AHCTF1: variants seen among roughly 807,000 people sequenced by gnomAD.
AHCTF1 encodes AT-hook containing transcription factor 1.
A neutral mutation model predicts 248.4 loss-of-function variants in AHCTF1; 24 were observed. The observed-to-expected ratio is 0.10, with a 90% CI of 0.07 to 0.14. The LOEUF is 0.14. Ranked by LOEUF, AHCTF1 falls within the 10% of genes least tolerant of loss-of-function variation. AHCTF1 has a pLI of 1.00. For missense variants in AHCTF1, 2,206 were observed against 2,636.2 expected, an observed-to-expected ratio of 0.84 and a Z score of 3.57; for synonymous variants, 786 against 929.8, an observed-to-expected ratio of 0.85 and a Z score of 2.81.
chr1:246,856,947 T>C (rs1309601845), intron 30 of AHCTF1, among the ~76,000 whole-genome samples: 1 of 152,234 alleles, frequency 6.6e-6, no homozygotes, highest in Non-Finnish European at 1.5e-5. Flanking sequence ...TTACTACTAC[T>C]TGATAACTGA....
At position 246,867,322 on chromosome 1, in the gene AHCTF1, A is replaced by G. The variant is rs917307059; in HGVS notation, c.3269T>C (p.Val1090Ala). 2 of 1,596,868 alleles carry G rather than the reference A, an allele frequency of 1.3e-6. No homozygotes were observed. Among genetic ancestry groups the G allele is most frequent in the Non-Finnish European group, 1.7e-6 (2 of 1,173,022 alleles). Residue 1090 changes from valine to alanine, a missense_variant, in exon 26 of 36, where the codon GTG (valine) becomes GCG (alanine). Val to Ala is a moderately conservative substitution (Grantham distance 64). This residue lies in a region of AHCTF1 where 955 missense variants were observed against 1,055.6 expected (regional missense o/e 0.90). Coordinates refer to ENST00000648844, the MANE Select transcript of AHCTF1 (RefSeq NM_001323342.2). ...CAGCTCTGGAGCTGGGAGCGAATAC[A>G]CTATAGGAGATGGTTCTTCTATTTT... ...SSKIEEPSPI[V>A]YSLPAPELPE... is the part of the protein sequence containing the mutation.
In AHCTF1 at chr1:246,877,261, T is replaced by C. The variant is rs1663041100; in HGVS notation, c.2702A>G (p.Asn901Ser). The C allele has an allele frequency of 1.2e-6, 2 of 1,606,062 alleles. No individual in the cohort carries two copies. Among genetic ancestry groups the C allele is most frequent in the South Asian group, 2.2e-5 (2 of 88,988 alleles). The change falls in exon 22 of 36, where the codon AAT becomes AGT. Residue 901 changes from asparagine (N) to serine (S), a missense_variant. Asn to Ser is a conservative substitution (Grantham distance 46). Around this residue, in one of 6 missense-constraint regions of AHCTF1, gnomAD observed 955 missense variants for 1,055.6 expected, o/e 0.90. Transcript: ENST00000648844. ...CAGTAACTCCTCTATATTCAACCTA[T>C]TGCAATGTTGCCGCAAAAAATTCCA... ...EAWNFLRQHC[N>S]RLNIEELLKH...
intron 20 of AHCTF1, among the ~76,000 whole-genome samples, chr1:246,886,923 C>G (rs1663857485): frequency 6.6e-6 from 1 of 152,120 alleles, no homozygotes; most frequent in Non-Finnish European, 1.5e-5. Context: ...CATGGTTCCC[C>G]CAACACCCCA....
At chr1:246,872,050 A>AC (rs1405260428) in intron 24 of AHCTF1, among the ~76,000 whole-genome samples, 29 of 108,712 alleles carry the variant, frequency 2.7e-4, no homozygotes, top group Admixed American at 2.1e-3. Flanking sequence ...ACTATTAATG[A>AC]CAAAAAAAAA....
chr1:246,901,762 C>G (rs944256526), intron 8 of AHCTF1, among the ~76,000 whole-genome samples: 2 of 152,154 alleles, frequency 1.3e-5, no homozygotes, highest in South Asian at 4.1e-4. Context: ...AGGCTGCAAC[C>G]AGCCAAGATC....
intron 26 of AHCTF1, chr1:246,865,452 C>T (rs1661904644): frequency 6.6e-6 from 1 of 152,160 alleles, no homozygotes; most frequent in Non-Finnish European, 1.5e-5. Flanking sequence ...TTTAGATTTC[C>T]ACCAAACCAA....
chr1:246,905,224 T>G (rs1612610), intron 6 of AHCTF1, among the ~76,000 whole-genome samples: 92,159 of 152,102 alleles, frequency 0.61, 30,168 homozygotes, highest in African/African-American at 0.87. Flanking sequence ...ATCAGGCCAG[T>G]CGTGGTGACT....
chr1:246,893,010 AT>A (rs1039656153), intron 14 of AHCTF1, among the ~76,000 whole-genome samples: 1 of 152,012 alleles, frequency 6.6e-6, no homozygotes, highest in African/African-American at 2.4e-5. Context: ...TTTTATTTTT[AT>A]TTTTTAAAAA....
At chr1:246,855,675 C>T in intron 31 of AHCTF1, 55 bp downstream of exon 31, 1 of 1,384,078 alleles carries the variant, frequency 7.2e-7, no homozygotes, top group Non-Finnish European at 1.0e-6. Flanking sequence ...ACAGAAAACT[C>T]TTCACTCAAA....
chr1:246,879,791 T>G (rs1445955282), intron 21 of AHCTF1, among the ~76,000 whole-genome samples: 1 of 151,734 alleles, frequency 6.6e-6, no homozygotes, highest in Non-Finnish European at 1.5e-5. Flanking sequence ...ACCGCTCCAC[T>G]AACTCCAGCC....
chr1:246,860,606 A>C (rs1018506824), intron 29 of AHCTF1, among the ~76,000 whole-genome samples: 2 of 152,184 alleles, frequency 1.3e-5, no homozygotes, highest in African/African-American at 2.4e-5. Flanking sequence ...GCTAAAGTAC[A>C]GTGGTGCAAT....
rs943890193 is a variant in AHCTF1 at position 246,839,874 on chromosome 1, C to G, written c.*932G>C. ...GTGTTGTTTTTCTCCTTTTCTACATCTACTCACTCTCTCCCAACCTCAATA... is the reference window on the plus strand; with the variant it reads ...GTGTTGTTTTTCTCCTTTTCTACATGTACTCACTCTCTCCCAACCTCAATA... On this transcript the variant is annotated 3_prime_UTR_variant, in exon 36 of 36. Transcript: ENST00000648844. The G allele has an allele frequency of 2.6e-5, 4 of 152,636 alleles. No individual in the cohort carries two copies. Among genetic ancestry groups the G allele is most frequent in the Non-Finnish European group, 5.9e-5 (4 of 68,050 alleles). 9.5% of individuals were successfully genotyped at this position (152,636 alleles called of 1,614,324 possible). A position where few individuals can be genotyped will look rare whatever the true frequency, so the allele number is the denominator to read the frequency against.
chr1:246,903,424 G>A (rs1665143285), intron 7 of AHCTF1, among the ~76,000 whole-genome samples: 1 of 152,192 alleles, frequency 6.6e-6, no homozygotes, highest in Non-Finnish European at 1.5e-5. Flanking sequence ...CATTGTAGAG[G>A]AAAACGGTAT....
At chr1:246,882,065 TCTGCTCA>T (rs1212644700) in intron 21 of AHCTF1, among the ~76,000 whole-genome samples, 1 of 150,710 alleles carries the variant, frequency 6.6e-6, no homozygotes, top group Non-Finnish European at 1.5e-5. Flanking sequence ...TGGCACCATC[TCTGCTCA>T]CTGCAAGCTC....
At chr1:246,858,644 A>G (rs1196884760) in intron 29 of AHCTF1, among the ~76,000 whole-genome samples, 1 of 151,782 alleles carries the variant, frequency 6.6e-6, no homozygotes, top group Non-Finnish European at 1.5e-5. Flanking sequence ...CCTGGCCAAC[A>G]TGGTGAAACC....
intron 1 of AHCTF1, among the ~76,000 whole-genome samples, chr1:246,922,575 G>A (rs1312489983): frequency 6.7e-6 from 1 of 149,890 alleles, no homozygotes; most frequent in Non-Finnish European, 1.5e-5. Context: ...TTTTTTTTTA[G>A]TAGAAATAAG....
At chr1:246,931,391 C>A (rs1667348725) in intron 1 of AHCTF1, 187 bp downstream of exon 1, 1 of 1,505,388 alleles carries the variant, frequency 6.6e-7, no homozygotes, top group East Asian at 2.5e-5. Flanking sequence ...CCTGCCGTAC[C>A]CGCCACCGCC....
chr1:246,889,563 C>G (rs192996276), intron 17 of AHCTF1, among the ~76,000 whole-genome samples: 136 of 152,330 alleles, frequency 8.9e-4, no homozygotes, highest in Non-Finnish European at 4.4e-4. Flanking sequence ...CTGGTTCCCA[C>G]AATTGCCATG....
chr1:246,840,747 TAATC>T lies in AHCTF1; in HGVS notation c.*55_*58del, dbSNP rs1659796662. 2.5e-6 allele frequency: 3 copies of T among 1,221,360 alleles called. No individual in the cohort carries two copies. The African/African-American group carries it at 4.7e-5, about 19-fold the overall frequency. The allele number at this position is 1,221,360 out of a possible 1,614,324, so 75.7% of individuals were successfully genotyped here. A position where few individuals can be genotyped will look rare whatever the true frequency, so the allele number is the denominator to read the frequency against. On this transcript the variant is annotated 3_prime_UTR_variant, in exon 36 of 36. Coordinates refer to ENST00000648844, the MANE Select transcript of AHCTF1 (RefSeq NM_001323342.2). ...ATTTTCTTCCAAACTAGATATTTAA[TAATC>T]CACACTATTCTGATGACTTTACAAA... is the stretch of plus-strand genomic sequence containing the variant.
Sources: allele counts gnomAD v4.1 joint callset (sites outside exome capture counted in the v4.1 genomes callset), GRCh38; gene constraint gnomAD v4.1.1; regional missense constraint gnomAD v4.1.1; transcripts MANE v1.5; gene names NCBI Gene and HGNC (gene_info 2026-07-23, HGNC 2026-07-21).